The following TM2D1 variants were observed in gnomAD, a reference collection of about 807,000 sequenced individuals.
TM2D1 encodes the protein TM2 domain containing 1, also known as TM2 domain-containing protein 1.
In TM2D1, 15 loss-of-function variants were observed where a neutral mutation model predicts 28.4. The observed-to-expected ratio is 0.53, with a 90% confidence interval of 0.35 to 0.81. TM2D1 has a LOEUF of 0.81. TM2D1 is among the 40% of genes least tolerant of loss of function. The pLI is 0.01. For missense variants in TM2D1, 236 were observed against 254.9 expected, an observed-to-expected ratio of 0.93 and a Z score of 0.50; for synonymous variants, 93 against 96.2, an observed-to-expected ratio of 0.97 and a Z score of 0.20.
chr1:61,702,199 A>G (rs1255070190), intron 3 of TM2D1, among the ~76,000 whole-genome samples: 2 of 151,978 alleles, frequency 1.3e-5, no homozygotes, highest in African/African-American at 4.8e-5. Flanking sequence ...CAAAAAAATA[A>G]TAAAAAATAA....
At chr1:61,724,853 T>C in intron 1 of TM2D1, 104 bp downstream of exon 1, 4 of 1,241,266 alleles carry the variant, frequency 3.2e-6, no homozygotes, top group South Asian at 1.9e-5. Context: ...GATCAGATTA[T>C]CGTTTTCACT....
intron 5 of TM2D1, among the ~76,000 whole-genome samples, chr1:61,691,896 C>T (rs1245545931): frequency 9.9e-6 from 1 of 101,242 alleles, no homozygotes; most frequent in African/African-American, 3.3e-5. Context: ...GCCTGGGCGA[C>T]GAAAACTCCA....
At chr1:61,719,705 G>C (rs961463912) in intron 2 of TM2D1, among the ~76,000 whole-genome samples, 2 of 151,962 alleles carry the variant, frequency 1.3e-5, no homozygotes, top group South Asian at 4.2e-4. Context: ...ATGTTGGTGG[G>C]GCTGGTCTTG....
rs540894085 is a variant in TM2D1 at position 61,720,509 on chromosome 1, T to C, written c.238+3204A>G. On this transcript the variant is annotated intron_variant, in intron 2 of 6. Transcript: ENST00000606498. Reference sequence around the variant, plus strand: ...CGCACACCTCAGCCTCCCAAAGTGATGGGATTATAGGTGTGAGCCACCTCA... The same window carrying C: ...CGCACACCTCAGCCTCCCAAAGTGACGGGATTATAGGTGTGAGCCACCTCA... Among the ~76,000 whole-genome samples, 31 of 152,294 alleles carry C rather than the reference T, an allele frequency of 2.0e-4. No homozygotes were observed. The East Asian group carries it at 5.2e-3, about 26-fold the overall frequency.
At chr1:61,719,862 T>C (rs1299132861) in intron 2 of TM2D1, among the ~76,000 whole-genome samples, 1 of 152,140 alleles carries the variant, frequency 6.6e-6, no homozygotes, top group African/African-American at 2.4e-5. Context: ...TATCGCCAAA[T>C]AAAAAGATAA....
At chr1:61,719,917 GAATA>G (rs1489681608) in intron 2 of TM2D1, among the ~76,000 whole-genome samples, 1 of 152,184 alleles carries the variant, frequency 6.6e-6, no homozygotes, top group Non-Finnish European at 1.5e-5. Context: ...TCAGAAGTTA[GAATA>G]AATAGTGGTT....
rs1557527300 is a variant in TM2D1 at position 61,691,934 on chromosome 1, T to TATATATATAC, written c.513+2762_513+2763insGTATATATAT. ...TCAAAAAAAACTTAAAAAAAAAAAA[T>TATATATATAC]ATATATATATATATATATATATATA... On this transcript the variant is annotated intron_variant, in intron 5 of 6. Coordinates refer to ENST00000606498, the MANE Select transcript of TM2D1 (RefSeq NM_032027.3). 1.8e-4 allele frequency among the ~76,000 whole-genome samples: 12 copies of TATATATATAC among 66,418 alleles called. 1 individual carries two copies. Among genetic ancestry groups the TATATATATAC allele is most frequent in the Admixed American group, 7.9e-4 (4 of 5,088 alleles). 43.6% of individuals were successfully genotyped at this position (66,418 alleles called of 152,430 possible). A position where few individuals can be genotyped will look rare whatever the true frequency, so the allele number is the denominator to read the frequency against.
At chr1:61,695,652 A>G (rs1158002087) in intron 4 of TM2D1, among the ~76,000 whole-genome samples, 1 of 152,230 alleles carries the variant, frequency 6.6e-6, no homozygotes, top group Non-Finnish European at 1.5e-5. Context: ...GAGATCACAC[A>G]TCTCACAGAG....
chr1:61,706,611 C>A (rs1268743441), intron 3 of TM2D1, among the ~76,000 whole-genome samples: 3 of 151,632 alleles, frequency 2.0e-5, no homozygotes, highest in Non-Finnish European at 4.4e-5. Context: ...GAGTTCGAGA[C>A]CAGCCTGACA....
In TM2D1 at chr1:61,714,771, G is replaced by T. The variant is rs76812655; in HGVS notation, c.239-5334C>A. Among the ~76,000 whole-genome samples, 6 of 152,144 alleles carry T rather than the reference G, an allele frequency of 3.9e-5. No homozygotes were observed. In the East Asian group the frequency reaches 1.2e-3, roughly 29 times the overall value. On this transcript the variant is annotated intron_variant, in intron 2 of 6. Coordinates refer to ENST00000606498, the MANE Select transcript of TM2D1 (RefSeq NM_032027.3). The stretch of plus-strand genomic sequence containing the variant: ...GGTTTTCACCACGTTGCCCAAGCTG[G>T]TCTCAAACTCCTGGGCTCAAGCAAT...
At chr1:61,723,833 C>T (rs1453789028) in intron 1 of TM2D1, 47 bp from the exon 2 acceptor site, 6 of 876,170 alleles carry the variant, frequency 6.8e-6, no homozygotes, top group African/African-American at 1.7e-5. Context: ...CAACACAACA[C>T]ATTATCATGC....
At chr1:61,692,331 C>G (rs962375782) in intron 5 of TM2D1, among the ~76,000 whole-genome samples, 9 of 151,976 alleles carry the variant, frequency 5.9e-5, no homozygotes, top group Admixed American at 5.2e-4. Context: ...AACTAGACTA[C>G]AGTATGTTTT....
chr1:61,709,947 T>C (rs929786488), intron 2 of TM2D1, among the ~76,000 whole-genome samples: 1 of 152,228 alleles, frequency 6.6e-6, no homozygotes, highest in Non-Finnish European at 1.5e-5. Context: ...GGGTTTGATA[T>C]AGATTATTTC....
chr1:61,688,742 C>CAA (rs574994323), intron 5 of TM2D1, among the ~76,000 whole-genome samples: 12 of 138,474 alleles, frequency 8.7e-5, no homozygotes, highest in Non-Finnish European at 1.4e-4. Context: ...CCCCGCCACC[C>CAA]AAAAAAAAAA....
chr1:61,709,502 C>T lies in TM2D1; in HGVS notation c.239-65G>A, dbSNP rs188461162. 48 of 1,114,794 alleles carry T rather than the reference C, an allele frequency of 4.3e-5. No homozygotes were observed. The African/African-American group carries it at 7.3e-4, about 17-fold the overall frequency. The allele number at this position is 1,114,794 out of a possible 1,614,324, so 69.1% of individuals were successfully genotyped here. ...TCTGGAGAAACAGTATGTAATTGTT[C>T]TAAGACTAGCAAATATGTTATAACA... On this transcript the variant is annotated intron_variant, in intron 2 of 6. Transcript: ENST00000606498.
chr1:61,695,529 T>C (rs1644357698), intron 4 of TM2D1, among the ~76,000 whole-genome samples: 1 of 152,162 alleles, frequency 6.6e-6, no homozygotes, highest in Admixed American at 6.5e-5. Flanking sequence ...TTGAGTTTCT[T>C]ACAAGACATC....
chr1:61,683,364 T>C (rs1311240426), intron 6 of TM2D1, 53 bp downstream of exon 6: 3 of 577,716 alleles, frequency 5.2e-6, no homozygotes, highest in Non-Finnish European at 5.3e-6. Flanking sequence ...CTCATAATTT[T>C]ATATGAATAA....
intron 5 of TM2D1, among the ~76,000 whole-genome samples, chr1:61,690,761 C>T (rs1644318325): frequency 6.6e-6 from 1 of 152,036 alleles, no homozygotes; most frequent in Non-Finnish European, 1.5e-5. Context: ...TGTGAAAAGT[C>T]AAATCCATTG....
intron 2 of TM2D1, among the ~76,000 whole-genome samples, chr1:61,715,968 ATTT>A (rs1175479095): frequency 6.8e-6 from 1 of 146,100 alleles, no homozygotes; most frequent in Non-Finnish European, 1.5e-5. Context: ...TGCCCAGCTA[ATTT>A]TTTTTTTGTA....
Sources: allele counts gnomAD v4.1 joint callset (sites outside exome capture counted in the v4.1 genomes callset), GRCh38; gene constraint gnomAD v4.1.1; transcripts MANE v1.5; gene names NCBI Gene and HGNC (gene_info 2026-07-23, HGNC 2026-07-21).